Variants in AGBL4 observed in about 807,000 individuals in gnomAD.
AGBL4 encodes the protein AGBL carboxypeptidase 4, also known as cytosolic carboxypeptidase 6.
AGBL4 carries 58 observed loss-of-function variants against 66.4 expected under a neutral mutation model. That is an observed-to-expected ratio of 0.87 (90% CI 0.71 to 1.09). The LOEUF is 1.09. Ranked by LOEUF, AGBL4 falls within the 50% of genes least tolerant of loss-of-function variation. AGBL4 has a pLI of 0.00. For synonymous variants in AGBL4, 234 were observed against 222.9 expected, an observed-to-expected ratio of 1.05 and a Z score of -0.44; for missense variants, 579 against 631.0, an observed-to-expected ratio of 0.92 and a Z score of 0.88.
chr1:49,398,313 C>T (rs1337730363), intron 3 of AGBL4, among the ~76,000 whole-genome samples: 2 of 129,006 alleles, frequency 1.6e-5, no homozygotes, highest in African/African-American at 2.9e-5. Context: ...GTCAGTCAGT[C>T]TCTCTCTCCC....
intron 5 of AGBL4, among the ~76,000 whole-genome samples, chr1:49,018,668 CTCTA>C (rs1356055967): frequency 6.6e-6 from 1 of 152,156 alleles, no homozygotes; most frequent in African/African-American, 2.4e-5. Context: ...CCTTTGGTGG[CTCTA>C]TCTTTCACCA....
chr1:49,663,113 G>A (rs919072483), intron 3 of AGBL4, among the ~76,000 whole-genome samples: 3 of 152,070 alleles, frequency 2.0e-5, no homozygotes, highest in Non-Finnish European at 4.4e-5. Context: ...ACACACTGGA[G>A]GAGTTTAACT....
At chr1:48,580,303 G>A (rs1186471219) in intron 11 of AGBL4, among the ~76,000 whole-genome samples, 4 of 152,230 alleles carry the variant, frequency 2.6e-5, no homozygotes, top group African/African-American at 9.6e-5. Flanking sequence ...GCTGTCTCAT[G>A]AGAGTACTAG....
At chr1:49,266,610 C>T (rs906702801) in intron 3 of AGBL4, among the ~76,000 whole-genome samples, 6 of 150,444 alleles carry the variant, frequency 4.0e-5, no homozygotes, top group African/African-American at 1.5e-4. Flanking sequence ...AAACCTGTAA[C>T]ACACACACAC....
At chr1:49,260,748 A>G (rs971005983) in intron 3 of AGBL4, among the ~76,000 whole-genome samples, 1 of 152,152 alleles carries the variant, frequency 6.6e-6, no homozygotes, top group Non-Finnish European at 1.5e-5. Context: ...AACTGGTACC[A>G]TTCCTTCTGA....
intron 5 of AGBL4, 40 bp from the exon 6 acceptor site, chr1:48,867,270 C>T: frequency 2.5e-6 from 4 of 1,609,658 alleles, no homozygotes; most frequent in Non-Finnish European, 3.4e-6. Context: ...TGATTTGAGC[C>T]AGAGCCAAAA....
At chr1:49,125,896 G>A (rs1343209073) in intron 4 of AGBL4, among the ~76,000 whole-genome samples, 1 of 152,090 alleles carries the variant, frequency 6.6e-6, no homozygotes, top group Non-Finnish European at 1.5e-5. Context: ...GTCTATAGAG[G>A]GATAATTGTT....
rs758732674 is a variant in AGBL4, at chr1:49,286,696, C to G, written c.283-40832G>C. Reference sequence around the variant, plus strand: ...CTTCAAGGAGAACTACAAACCACTGCTCAAGGAAATAAAAGAGGATACAAA... The same window carrying G: ...CTTCAAGGAGAACTACAAACCACTGGTCAAGGAAATAAAAGAGGATACAAA... On this transcript the variant is annotated intron_variant, in intron 3 of 13. Coordinates refer to ENST00000371839, the MANE Select transcript of AGBL4 (RefSeq NM_032785.4). 1.7e-3 allele frequency among the ~76,000 whole-genome samples: 259 copies of G among 151,762 alleles called. 2 individuals are homozygous for G. The highest frequency in any genetic ancestry group is 0.017 in the Middle Eastern group (5 of 294).
chr1:49,555,928 G>T (rs1558047524), intron 3 of AGBL4, among the ~76,000 whole-genome samples: 1 of 152,140 alleles, frequency 6.6e-6, no homozygotes, highest in African/African-American at 2.4e-5. Flanking sequence ...GACACTGTTG[G>T]TGGGACTGTA....
At chr1:48,898,835 G>A (rs887150189) in intron 5 of AGBL4, among the ~76,000 whole-genome samples, 10 of 152,152 alleles carry the variant, frequency 6.6e-5, no homozygotes, top group Admixed American at 2.6e-4. Flanking sequence ...CACAAAAAGG[G>A]AGAGACATCC....
At chr1:49,590,040 A>G (rs944169567) in intron 3 of AGBL4, among the ~76,000 whole-genome samples, 5 of 152,110 alleles carry the variant, frequency 3.3e-5, no homozygotes, top group African/African-American at 1.2e-4. Context: ...TCCATATGAA[A>G]GTCACATAAA....
At chr1:49,755,224 C>T (rs1209251531) in intron 2 of AGBL4, among the ~76,000 whole-genome samples, 1 of 152,134 alleles carries the variant, frequency 6.6e-6, no homozygotes, top group African/African-American at 2.4e-5. Context: ...GAAGAGTAGT[C>T]TGTTTTTCAT....
intron 6 of AGBL4, among the ~76,000 whole-genome samples, chr1:48,864,419 A>G (rs1647793372): frequency 6.6e-6 from 1 of 152,196 alleles, no homozygotes; most frequent in African/African-American, 2.4e-5. Context: ...TTAATAAATC[A>G]TTTTCCCTAG....
intron 1 of AGBL4, among the ~76,000 whole-genome samples, chr1:49,977,709 TG>T (rs1471264958): frequency 6.6e-6 from 1 of 152,218 alleles, no homozygotes; most frequent in Non-Finnish European, 1.5e-5. Context: ...TTATTTCTAT[TG>T]TTTTCAATTG....
chr1:49,730,430 G>T (rs1311301944), intron 2 of AGBL4, among the ~76,000 whole-genome samples: 1 of 152,074 alleles, frequency 6.6e-6, no homozygotes, highest in South Asian at 2.1e-4. Flanking sequence ...CCAGACCTCG[G>T]GACTCCCCAA....
At chr1:48,813,016 C>T (rs1023449342) in intron 6 of AGBL4, among the ~76,000 whole-genome samples, 3 of 151,422 alleles carry the variant, frequency 2.0e-5, no homozygotes, top group South Asian at 2.1e-4. Context: ...TGCTAAATGA[C>T]GAGTTAATGG....
intron 6 of AGBL4, among the ~76,000 whole-genome samples, chr1:48,746,173 A>G (rs1427285093): frequency 6.6e-6 from 1 of 152,204 alleles, no homozygotes; most frequent in African/African-American, 2.4e-5. Context: ...AGATAACTAT[A>G]TATATATATT....
chr1:49,233,527 A>G (rs534378842), intron 4 of AGBL4, among the ~76,000 whole-genome samples: 17 of 152,326 alleles, frequency 1.1e-4, no homozygotes, highest in African/African-American at 4.1e-4. Flanking sequence ...CAAAGTCAGT[A>G]CTTTCCCTAT....
chr1:49,612,164 G>A (rs1250030278), intron 3 of AGBL4, among the ~76,000 whole-genome samples: 1 of 152,114 alleles, frequency 6.6e-6, no homozygotes, highest in Non-Finnish European at 1.5e-5. Flanking sequence ...ATTGCAGATG[G>A]TGACCTAATC....
Sources: allele counts gnomAD v4.1 joint callset (sites outside exome capture counted in the v4.1 genomes callset), GRCh38; gene constraint gnomAD v4.1.1; transcripts MANE v1.5; gene names NCBI Gene and HGNC (gene_info 2026-07-23, HGNC 2026-07-21).